Variants in DNAH17 observed in about 807,000 individuals in gnomAD.
DNAH17 encodes the protein axonemal beta dynein heavy chain 17.
In DNAH17, 376 loss-of-function variants were observed where a neutral mutation model predicts 485.6. That is an observed-to-expected ratio of 0.77 (90% CI 0.71 to 0.84). The LOEUF (loss-of-function observed/expected upper bound fraction) is 0.84. Among genes scored for constraint, DNAH17 ranks in the 40% least tolerant of loss-of-function variants. The pLI is 0.00. For missense variants in DNAH17, 6,370 were observed against 5,839.3 expected (o/e 1.09, Z -2.96); for synonymous variants, 3,031 against 2,405.9 (o/e 1.26, Z -7.60).
intron 2 of DNAH17, among the ~76,000 whole-genome samples, chr17:78,573,204 G>A (rs1003151997): frequency 1.3e-5 from 2 of 152,176 alleles, no homozygotes; most frequent in Admixed American, 1.3e-4. Flanking sequence ...AAAAGCCTAG[G>A]AGGACTGTGA....
intron 13 of DNAH17, among the ~76,000 whole-genome samples, chr17:78,559,141 C>T (rs544545677): frequency 6.6e-6 from 1 of 152,354 alleles, no homozygotes; most frequent in East Asian, 1.9e-4. Flanking sequence ...TTTGTCATCT[C>T]CGCTGAATGA....
At chr17:78,500,249 G>C in intron 36 of DNAH17, 56 bp downstream of exon 36, 1 of 1,540,980 alleles carries the variant, frequency 6.5e-7, no homozygotes, top group Non-Finnish European at 8.8e-7. Flanking sequence ...AGGGTGCTAG[G>C]ATCTGCTTCT....
chr17:78,490,883 C>T (rs762550037), intron 43 of DNAH17, 36 bp from the exon 44 acceptor site: 2 of 1,549,100 alleles, frequency 1.3e-6, no homozygotes, highest in Non-Finnish European at 1.7e-6. Context: ...GGTCCTAAGG[C>T]GACACCTGCC....
Position 78,480,665 on chromosome 17 carries a change from G to T in DNAH17, c.7752+19C>A. On this transcript the variant is annotated intron_variant, in intron 49 of 80. Coordinates refer to ENST00000389840, the MANE Select transcript of DNAH17 (RefSeq NM_173628.4). ...CAGACTCATGGCAGGTGACGGGGAT[G>T]AGTATGGTTTCTGCTTACCTGAAGC... The T allele has an allele frequency of 6.2e-7, 1 of 1,602,048 alleles. No individual in the cohort carries two copies. Among genetic ancestry groups the T allele is most frequent in the Non-Finnish European group, 8.5e-7 (1 of 1,171,306 alleles).
rs1387401567 is a variant in DNAH17, at chr17:78,468,780, A to G, written c.8615T>C (p.Ile2872Thr). The change falls in exon 55 of 81, where the codon ATC becomes ACC. Residue 2872 changes from isoleucine to threonine, a missense_variant. Transcript: ENST00000389840. ...QVAEEQFLVL[I>T]NDLLASGEIP... ...CTCTCCTGAGGCCAGCAGGTCATTG[A>G]TCAGCACCAGAAACTGCTCCTCGGC... 2 of 1,614,044 alleles carry G rather than the reference A, an allele frequency of 1.2e-6. No individual in the cohort carries two copies. Among genetic ancestry groups the G allele is most frequent in the Non-Finnish European group, 1.7e-6 (2 of 1,179,892 alleles).
chr17:78,532,502 G>A lies in DNAH17; in HGVS notation c.3094C>T (p.Leu1032=). Residue 1032 remains leucine, a synonymous_variant, in exon 20 of 81, where the codon CTG becomes TTG. Coordinates refer to ENST00000389840, the MANE Select transcript of DNAH17 (RefSeq NM_173628.4). The part of the protein sequence containing the change: ...DDTIPKTPPT[L]AQFQEQIDSY... ...CGCACCTGCTCCTGGAACTGAGCCA[G>A]GGTGGGCGGTGTCTTGGGGATGGTG... 3 of 1,611,284 alleles carry A rather than the reference G, an allele frequency of 1.9e-6. No individual in the cohort carries two copies. Among genetic ancestry groups the A allele is most frequent in the Middle Eastern group, 1.9e-4 (1 of 5,318 alleles).
chr17:78,490,582 G>C, intron 44 of DNAH17, 117 bp downstream of exon 44: 1 of 1,401,220 alleles, frequency 7.1e-7, no homozygotes, highest in Non-Finnish European at 9.6e-7. Flanking sequence ...TGCCTGGTGA[G>C]GGCCTGATAC....
chr17:78,468,496 C>T (rs2088592056), intron 55 of DNAH17, 121 bp downstream of exon 55: 1 of 1,326,626 alleles, frequency 7.5e-7, no homozygotes, highest in Non-Finnish European at 1.0e-6. Context: ...ACTCTCCTAA[C>T]AGGATTTCAC....
At chr17:78,520,235 A>G (rs1339513529) in intron 25 of DNAH17, among the ~76,000 whole-genome samples, 1 of 152,266 alleles carries the variant, frequency 6.6e-6, no homozygotes, top group Non-Finnish European at 1.5e-5. Context: ...AAGAAAAGGA[A>G]TAGAATTTCC....
At chr17:78,514,633 G>T in intron 26 of DNAH17, 141 bp downstream of exon 26, 1 of 1,171,212 alleles carries the variant, frequency 8.5e-7, no homozygotes, top group Non-Finnish European at 1.2e-6. Context: ...CAGGTCACTT[G>T]TGCACGAAGC....
intron 9 of DNAH17, among the ~76,000 whole-genome samples, chr17:78,567,475 A>G (rs564157899): frequency 3.0e-4 from 46 of 152,286 alleles, no homozygotes; most frequent in Middle Eastern, 3.4e-3. Flanking sequence ...CCGCATCTCT[A>G]AATAAATCAC....
In DNAH17 at chr17:78,475,411, G is replaced by C. The variant is rs2088968800; in HGVS notation, c.8378C>G (p.Pro2793Arg). ...CCCCACCAGCAGGGCATTCCCCCGG[G>C]GAGACTCCAGGATGCGATTAATCCT... ...ICRINRILES[P>R]RGNALLVGVG... Residue 2793 changes from proline (P) to arginine (R), a missense_variant, in exon 54 of 81, where the codon CCC (proline) becomes CGC (arginine). Pro to Arg is a moderately radical substitution (Grantham distance 103). Transcript: ENST00000389840. 6.2e-7 allele frequency: 1 copy of C among 1,613,814 alleles called. No individual in the cohort carries two copies.
intron 9 of DNAH17, among the ~76,000 whole-genome samples, chr17:78,567,558 G>A (rs925483175): frequency 1.3e-5 from 2 of 152,286 alleles, no homozygotes; most frequent in East Asian, 1.9e-4. Context: ...TGATGCTCTT[G>A]CTAAGCTTTA....
At chr17:78,545,767 TTTTA>T (rs1266598779) in intron 16 of DNAH17, among the ~76,000 whole-genome samples, 6 of 152,196 alleles carry the variant, frequency 3.9e-5, no homozygotes, top group African/African-American at 9.6e-5. Context: ...TAGCTTTTGC[TTTTA>T]TTTATATAGC....
Position 78,569,219 on chromosome 17 carries a change from A to T in DNAH17, c.1231T>A (p.Ser411Thr). The T allele has an allele frequency of 6.2e-7, 1 of 1,609,570 alleles. No individual in the cohort carries two copies. Among genetic ancestry groups the T allele is most frequent in the East Asian group, 2.2e-5 (1 of 44,810 alleles). The change falls in exon 9 of 81, where the codon TCT becomes ACT. Residue 411 changes from serine (S) to threonine (T), a missense_variant. By Grantham distance (58) the Ser-to-Thr change is moderately conservative. Coordinates refer to ENST00000389840, the MANE Select transcript of DNAH17 (RefSeq NM_173628.4). ...KEPVPWEFPS[S>T]LAFSRINSFF... ...GAATTTATCCTGGAAAAGGCAAGAG[A>T]AGAAGGGAATTCCCAAGGCACGGGC...
At chr17:78,471,206 T>G (rs2088734189) in intron 54 of DNAH17, among the ~76,000 whole-genome samples, 1 of 152,256 alleles carries the variant, frequency 6.6e-6, no homozygotes, top group Non-Finnish European at 1.5e-5. Context: ...GAAATCTCTC[T>G]GTTCAGAGAA....
rs1598667943 is a variant in DNAH17, at chr17:78,537,590, T to G, written c.2677-109A>C. 7 of 1,271,352 alleles carry G rather than the reference T, an allele frequency of 5.5e-6. No individual in the cohort carries two copies. In the East Asian group the frequency reaches 1.5e-4, roughly 27 times the overall value. The allele number at this position is 1,271,352 out of a possible 1,614,324, so 78.8% of individuals were successfully genotyped here. ...CCATCAATGTGTCACTGCCTTCCACTTATCTGGGAAGCTTCTGAGAGCTCG... is the reference window on the plus strand; with the variant it reads ...CCATCAATGTGTCACTGCCTTCCACGTATCTGGGAAGCTTCTGAGAGCTCG... On this transcript the variant is annotated intron_variant, in intron 18 of 80. Transcript: ENST00000389840.
rs1397342033 is a variant in DNAH17, at chr17:78,426,587, A to G, written c.12785T>C (p.Ile4262Thr). Residue 4262 changes from isoleucine to threonine, a missense_variant, in exon 79 of 81, where the codon ATC becomes ACC. By Grantham distance (89) the Ile-to-Thr change is moderately conservative. Coordinates refer to ENST00000389840, the MANE Select transcript of DNAH17 (RefSeq NM_173628.4). ...LNLGLKGELT[I>T]TTDVEDLSTA... ...GGACAGATCTTCCACGTCGGTCGTG[A>G]TGGTCAGTTCTCCCTAGGAGACACA... 3 of 1,609,752 alleles carry G rather than the reference A, an allele frequency of 1.9e-6. No homozygotes were observed. The highest frequency in any genetic ancestry group is 2.7e-5 in the African/African-American group (2 of 74,922).
chr17:78,453,383 G>A lies in DNAH17; in HGVS notation c.10489C>T (p.Leu3497=). The A allele has an allele frequency of 6.2e-7, 1 of 1,613,798 alleles. No homozygotes were observed. Among genetic ancestry groups the A allele is most frequent in the South Asian group, 1.1e-5 (1 of 91,026 alleles). ...ENIGETVDPV[L]DPLLGRNTIK... is the part of the protein sequence containing the mutation. ...GTGTTCCTGCCCAGTAGAGGGTCCA[G>A]CACGGGGTCCACGGTTTCGCCGATG... Residue 3497 remains leucine, a synonymous_variant, in exon 65 of 81, where the codon CTG becomes TTG. Transcript: ENST00000389840.
Sources: gnomAD v4.1 joint callset for allele counts (sites outside exome capture counted in the v4.1 genomes callset) on GRCh38, gnomAD v4.1.1 for gene constraint, MANE v1.5 for transcripts, NCBI Gene and HGNC (gene_info 2026-07-23, HGNC 2026-07-21) for gene names.